DAPK1: variants seen among roughly 807,000 people sequenced by gnomAD.
DAPK1 encodes death associated protein kinase 1.
A neutral mutation model predicts 144.9 loss-of-function variants in DAPK1; 56 were observed. That is an observed-to-expected ratio of 0.39 (90% CI 0.31 to 0.48). The LOEUF is 0.48. Among genes scored for constraint, DAPK1 ranks in the 20% least tolerant of loss-of-function variants. The pLI, the probability that DAPK1 is intolerant of heterozygous loss-of-function variation, is 0.95. For missense variants in DAPK1, 1,454 were observed against 1,875.4 expected, an observed-to-expected ratio of 0.78 and a Z score of 4.15; for synonymous variants, 690 against 749.0, an observed-to-expected ratio of 0.92 and a Z score of 1.29.
intron 2 of DAPK1, among the ~76,000 whole-genome samples, chr9:87,550,734 A>G (rs548029941): frequency 6.6e-6 from 1 of 152,336 alleles, no homozygotes; most frequent in South Asian, 2.1e-4. Flanking sequence ...AACCCATGAC[A>G]GCAGCACCTG....
chr9:87,616,083 A>G lies in DAPK1; in HGVS notation c.284+10908A>G, dbSNP rs112994616. Among the ~76,000 whole-genome samples the G allele has an allele frequency of 5.9e-4, 90 of 152,312 alleles. 1 individual carries two copies. The highest frequency in any genetic ancestry group is 2.1e-3 in the African/African-American group (89 of 41,566). Reference sequence around the variant, plus strand: ...GTGATTTAGAAGCTTTTGAAAGCCAACCTGGCCTCCCAGGGCCCCTCACCT... The same window carrying G: ...GTGATTTAGAAGCTTTTGAAAGCCAGCCTGGCCTCCCAGGGCCCCTCACCT... On this transcript the variant is annotated intron_variant, in intron 3 of 25. Transcript: ENST00000408954.
intron 20 of DAPK1, among the ~76,000 whole-genome samples, chr9:87,684,559 C>A (rs1395625243): frequency 1.3e-5 from 2 of 152,206 alleles, no homozygotes; most frequent in African/African-American, 4.8e-5. Context: ...GACGGGGTCC[C>A]CTCGAAGTTT....
chr9:87,537,084 T>A (rs1245276325), intron 2 of DAPK1, among the ~76,000 whole-genome samples: 1 of 152,060 alleles, frequency 6.6e-6, no homozygotes, highest in Non-Finnish European at 1.5e-5. Flanking sequence ...CCTCCTGGGT[T>A]CAAGCGATTC....
intron 18 of DAPK1, among the ~76,000 whole-genome samples, chr9:87,660,658 C>T (rs191794005): frequency 2.6e-5 from 4 of 152,066 alleles, no homozygotes; most frequent in Non-Finnish European, 4.4e-5. Flanking sequence ...TCCAAGTCCC[C>T]GTTGTCCATC....
intron 3 of DAPK1, among the ~76,000 whole-genome samples, chr9:87,628,201 C>A (rs1231697084): frequency 6.6e-6 from 1 of 152,182 alleles, no homozygotes; most frequent in Admixed American, 6.5e-5. Flanking sequence ...TATGAGAATC[C>A]ATGCGGCTCC....
rs765826018 is a variant in DAPK1 at position 87,649,992 on chromosome 9, C to T, written c.1500C>T (p.Ala500=). 12 of 1,614,182 alleles carry T rather than the reference C, an allele frequency of 7.4e-6. No individual in the cohort carries two copies. Among genetic ancestry groups the T allele is most frequent in the South Asian group, 2.2e-5 (2 of 91,086 alleles). ...YYSVAKALCE[A]GCNVNIKNRE... is the part of the protein sequence containing the mutation. Reference sequence around the variant, plus strand: ...CTGTGGCCAAAGCCCTTTGTGAAGCCGGCTGTAACGTGAACATCAAGAACC... The same window carrying T: ...CTGTGGCCAAAGCCCTTTGTGAAGCTGGCTGTAACGTGAACATCAAGAACC... The change falls in exon 16 of 26, where the codon GCC becomes GCT. Residue 500 remains alanine (A), a synonymous_variant. Transcript: ENST00000408954.
In DAPK1 at chr9:87,703,023, C is replaced by A. The variant is rs373356411; in HGVS notation, c.2872-6C>A. The A allele has an allele frequency of 3.1e-5, 47 of 1,511,824 alleles. No homozygotes were observed. The African/African-American group carries it at 4.7e-4, about 15-fold the overall frequency. 93.7% of individuals were successfully genotyped at this position (1,511,824 alleles called of 1,614,324 possible). ...GAGTTAACCTGTCTGGCCCTGCCCC[C>A]TCTAGGTCTGTCCTCCCATGACTCA... On this transcript the variant is annotated splice_polypyrimidine_tract_variant and splice_region_variant and intron_variant, in intron 24 of 25. Coordinates refer to ENST00000408954, the MANE Select transcript of DAPK1 (RefSeq NM_004938.4).
Position 87,637,980 on chromosome 9 carries a change from A to C in DAPK1, c.322A>C (p.Lys108Gln), listed in dbSNP as rs1362291753. Residue 108 changes from lysine to glutamine, a missense_variant, in exon 4 of 26, where the codon AAG (lysine) becomes CAG (glutamine). Around this residue, in one of 2 missense-constraint regions of DAPK1, gnomAD observed 429 missense variants for 637.5 expected, o/e 0.67. Coordinates refer to ENST00000408954, the MANE Select transcript of DAPK1 (RefSeq NM_004938.4). ...GGELFDFLAEKESLTEEEATE... is the reference protein window; with the variant it reads ...GGELFDFLAEQESLTEEEATE... Reference sequence around the variant, plus strand: ...CGAGCTGTTTGACTTCTTAGCTGAAAAGGAATCTTTAACTGAAGAGGAAGC... The same window carrying C: ...CGAGCTGTTTGACTTCTTAGCTGAACAGGAATCTTTAACTGAAGAGGAAGC... The C allele has an allele frequency of 1.4e-5, 22 of 1,614,032 alleles. No homozygotes were observed. Among genetic ancestry groups the C allele is most frequent in the Non-Finnish European group, 1.6e-5 (19 of 1,179,994 alleles).
At chr9:87,551,835 C>T (rs1368146155) in intron 2 of DAPK1, among the ~76,000 whole-genome samples, 4 of 152,166 alleles carry the variant, frequency 2.6e-5, no homozygotes, top group Non-Finnish European at 5.9e-5. Flanking sequence ...CGAAGATAAG[C>T]ATCACCCTGT....
In DAPK1 at chr9:87,707,875, T is replaced by C. The variant is rs1287801431; in HGVS notation, c.*511T>C. 2.2e-6 allele frequency: 1 copy of C among 456,598 alleles called. No homozygotes were observed. Among genetic ancestry groups the C allele is most frequent in the East Asian group, 6.9e-5 (1 of 14,402 alleles). The allele number at this position is 456,598 out of a possible 1,614,324, so 28.3% of individuals were successfully genotyped here. A position where few individuals can be genotyped will look rare whatever the true frequency, so the allele number is the denominator to read the frequency against. On this transcript the variant is annotated 3_prime_UTR_variant, in exon 26 of 26. Coordinates refer to ENST00000408954, the MANE Select transcript of DAPK1 (RefSeq NM_004938.4). The surrounding 1 kb of genome is among the most constrained non-coding windows in gnomAD (Gnocchi z 4.0). ...GTATGGAATCCCACTGTATGATTTATAAACAGACAATATGTGAGTGCCTTT... is the reference window on the plus strand; with the variant it reads ...GTATGGAATCCCACTGTATGATTTACAAACAGACAATATGTGAGTGCCTTT...
chr9:87,699,733 T>A (rs970045590), intron 23 of DAPK1, among the ~76,000 whole-genome samples: 1 of 152,214 alleles, frequency 6.6e-6, no homozygotes, highest in Admixed American at 6.5e-5. Flanking sequence ...GTCAGTGATG[T>A]AGCTTTTGCA....
chr9:87,672,117 C>T (rs1376011597), intron 19 of DAPK1, among the ~76,000 whole-genome samples: 1 of 152,176 alleles, frequency 6.6e-6, no homozygotes, highest in African/African-American at 2.4e-5. Context: ...GTCCCTTGCA[C>T]ACTGCCTGCA....
chr9:87,691,346 T>C (rs1456571840), intron 21 of DAPK1, among the ~76,000 whole-genome samples: 1 of 152,106 alleles, frequency 6.6e-6, no homozygotes, highest in African/African-American at 2.4e-5. Context: ...ACCTTACTTT[T>C]CATTTCTCAT....
intron 18 of DAPK1, among the ~76,000 whole-genome samples, chr9:87,667,358 G>C (rs946860236): frequency 2.0e-5 from 3 of 152,228 alleles, no homozygotes; most frequent in African/African-American, 7.2e-5. Context: ...GTGGTTCTCA[G>C]CAAGGCAATT....
rs937684974 is a variant in DAPK1, at chr9:87,632,086, A to AT, written c.285-5856dup. The AT allele has an allele frequency of 2.7e-5, 19 of 709,882 alleles. No homozygotes were observed. In the Admixed American group the frequency reaches 1.2e-3, roughly 45 times the overall value. The allele number at this position is 709,882 out of a possible 1,614,324, so 44.0% of individuals were successfully genotyped here. A position where few individuals can be genotyped will look rare whatever the true frequency, so the allele number is the denominator to read the frequency against. ...TAAGGATGAAAGTTAATTAGTATAT[A>AT]TGTAGAAATATATATATATATATGT... On this transcript the variant is annotated intron_variant, in intron 3 of 25. Coordinates refer to ENST00000408954, the MANE Select transcript of DAPK1 (RefSeq NM_004938.4).
At chr9:87,500,363 A>G (rs908981228) in intron 2 of DAPK1, among the ~76,000 whole-genome samples, 3 of 152,186 alleles carry the variant, frequency 2.0e-5, no homozygotes, top group Non-Finnish European at 4.4e-5. Flanking sequence ...CATTTCATGG[A>G]TATGTTTAAG....
chr9:87,548,940 T>TG (rs1326110963), intron 2 of DAPK1, among the ~76,000 whole-genome samples: 1 of 94,748 alleles, frequency 1.1e-5, no homozygotes, highest in Non-Finnish European at 2.1e-5. Context: ...TTTTTTTTTT[T>TG]GGCTTTTAAC....
intron 2 of DAPK1, among the ~76,000 whole-genome samples, chr9:87,523,625 T>C (rs1825381893): frequency 6.6e-6 from 1 of 152,194 alleles, no homozygotes; most frequent in African/African-American, 2.4e-5. Context: ...TTTAAAATAT[T>C]CTCTCATAAT....
intron 24 of DAPK1, chr9:87,701,910 G>A (rs377589197): frequency 4.9e-5 from 23 of 468,978 alleles, no homozygotes; most frequent in African/African-American, 1.0e-4. Flanking sequence ...GGGGTAGTCC[G>A]GTGAGGCCTG....
Sources: allele counts gnomAD v4.1 joint callset (sites outside exome capture counted in the v4.1 genomes callset), GRCh38; gene constraint gnomAD v4.1.1; regional missense constraint gnomAD v4.1.1; non-coding constraint Gnocchi (gnomAD v3.1); transcripts MANE v1.5; gene names NCBI Gene and HGNC (gene_info 2026-07-23, HGNC 2026-07-21).